Variants in PTPRD observed in about 807,000 individuals in gnomAD.
PTPRD encodes protein tyrosine phosphatase receptor type D, also known as receptor-type tyrosine-protein phosphatase delta.
In PTPRD, 34 loss-of-function variants were observed where a neutral mutation model predicts 214.5. The observed-to-expected ratio is 0.16, with a 90% CI of 0.12 to 0.21. PTPRD has a LOEUF of 0.21. Among genes scored for constraint, PTPRD ranks in the 10% least tolerant of loss-of-function variants. The pLI is 1.00. For synonymous variants in PTPRD, 1,128 were observed against 845.7 expected (o/e 1.33, Z -5.79); for missense variants, 2,545 against 2,398.7 (o/e 1.06, Z -1.27).
chr9:10,242,342 G>A (rs948011038), intron 3 of PTPRD, among the ~76,000 whole-genome samples: 3 of 151,942 alleles, frequency 2.0e-5, no homozygotes, highest in Admixed American at 6.6e-5. Context: ...AGGCTGAAAT[G>A]TTGAAGCCAC....
intron 7 of PTPRD, among the ~76,000 whole-genome samples, chr9:9,695,240 C>T (rs919686994): frequency 6.6e-6 from 1 of 152,122 alleles, no homozygotes; most frequent in African/African-American, 2.4e-5. Context: ...CAGAGTGTGT[C>T]AAGAAATGTT....
intron 9 of PTPRD, among the ~76,000 whole-genome samples, chr9:9,206,360 G>A (rs539086616): frequency 2.0e-5 from 3 of 152,284 alleles, no homozygotes; most frequent in African/African-American, 7.2e-5. Context: ...GTTTTTTAAA[G>A]AACACACTGG....
chr9:9,904,825 G>T (rs1370376429), intron 5 of PTPRD, among the ~76,000 whole-genome samples: 1 of 151,990 alleles, frequency 6.6e-6, no homozygotes, highest in African/African-American at 2.4e-5. Context: ...GTTCAACCAA[G>T]ATCAAACTCA....
chr9:8,744,019 A>C (rs371920398), intron 11 of PTPRD, among the ~76,000 whole-genome samples: 2 of 152,128 alleles, frequency 1.3e-5, no homozygotes, highest in East Asian at 1.9e-4. Flanking sequence ...AATGGCCAAC[A>C]AGCATATGGA....
In PTPRD at chr9:9,120,993, C is replaced by A. The variant is rs751864294; in HGVS notation, c.-143+62311G>T. ...ATTTTGTTTAACTGTCACAACAATG[C>A]TGTAATGAAGATATTATTATTATCT... On this transcript the variant is annotated intron_variant, in intron 10 of 45. Coordinates refer to ENST00000381196, the MANE Select transcript of PTPRD (RefSeq NM_002839.4). 2.6e-5 allele frequency among the ~76,000 whole-genome samples: 4 copies of A among 152,212 alleles called. No homozygotes were observed. In the South Asian group the frequency reaches 6.2e-4, roughly 24 times the overall value.
At chr9:10,168,438 G>T (rs1266951118) in intron 3 of PTPRD, among the ~76,000 whole-genome samples, 1 of 152,146 alleles carries the variant, frequency 6.6e-6, no homozygotes, top group Non-Finnish European at 1.5e-5. Flanking sequence ...GCTGCTGTTT[G>T]CCTGGAATCA....
At chr9:9,498,382 C>T (rs993195594) in intron 8 of PTPRD, among the ~76,000 whole-genome samples, 2 of 152,058 alleles carry the variant, frequency 1.3e-5, no homozygotes, top group Admixed American at 1.3e-4. Context: ...AAAAGTAAAT[C>T]CATGCTGTAA....
chr9:8,666,145 G>A (rs2097166403), intron 12 of PTPRD, among the ~76,000 whole-genome samples: 2 of 151,270 alleles, frequency 1.3e-5, no homozygotes, highest in Admixed American at 6.6e-5. Flanking sequence ...TTATACTAAA[G>A]GCCCAGGTTG....
intron 8 of PTPRD, among the ~76,000 whole-genome samples, chr9:9,521,145 T>C (rs1378506362): frequency 6.6e-6 from 1 of 152,232 alleles, no homozygotes; most frequent in Non-Finnish European, 1.5e-5. Flanking sequence ...GTTCTCTGGC[T>C]GCTTGAGAGG....
At chr9:10,164,813 G>T (rs1412076138) in intron 3 of PTPRD, among the ~76,000 whole-genome samples, 4 of 150,790 alleles carry the variant, frequency 2.7e-5, no homozygotes, top group African/African-American at 7.3e-5. Flanking sequence ...AGGTTTAAAG[G>T]TTTTAGAAAT....
intron 11 of PTPRD, among the ~76,000 whole-genome samples, chr9:8,811,580 C>T (rs1010496617): frequency 6.6e-6 from 1 of 152,132 alleles, no homozygotes; most frequent in Non-Finnish European, 1.5e-5. Flanking sequence ...TTAATTCCTG[C>T]TCTAAAGAGC....
At chr9:9,861,393 C>T (rs189047332) in intron 5 of PTPRD, among the ~76,000 whole-genome samples, 103 of 152,210 alleles carry the variant, frequency 6.8e-4, no homozygotes, top group Non-Finnish European at 4.9e-4. Flanking sequence ...CAGGTTCAAG[C>T]GATTCTCCTG....
At chr9:9,749,209 T>C (rs2098489420) in intron 6 of PTPRD, among the ~76,000 whole-genome samples, 2 of 152,138 alleles carry the variant, frequency 1.3e-5, no homozygotes, top group Admixed American at 1.3e-4. Context: ...TCAATTTCTA[T>C]GCTGTCATGT....
chr9:9,469,494 C>A (rs1376308538), intron 8 of PTPRD, among the ~76,000 whole-genome samples: 2 of 152,060 alleles, frequency 1.3e-5, no homozygotes, highest in African/African-American at 2.4e-5. Flanking sequence ...GAGACAGAGG[C>A]TTTCTACTTA....
chr9:9,819,064 C>T (rs111407746), intron 5 of PTPRD, among the ~76,000 whole-genome samples: 4 of 152,162 alleles, frequency 2.6e-5, no homozygotes, highest in African/African-American at 7.2e-5. Flanking sequence ...CGAAATGTTC[C>T]CTGATAGGTA....
At chr9:9,736,153 G>T (rs1395940555) in intron 6 of PTPRD, among the ~76,000 whole-genome samples, 5 of 152,086 alleles carry the variant, frequency 3.3e-5, no homozygotes, top group Non-Finnish European at 5.9e-5. Flanking sequence ...CATATCATAG[G>T]ATGTCATTGA....
At chr9:8,710,247 C>CT (rs2098302355) in intron 12 of PTPRD, among the ~76,000 whole-genome samples, 1 of 152,154 alleles carries the variant, frequency 6.6e-6, no homozygotes, top group African/African-American at 2.4e-5. Context: ...ACTTGGCTCT[C>CT]TTAAAGGTCT....
intron 5 of PTPRD, among the ~76,000 whole-genome samples, chr9:9,891,372 C>T (rs563673568): frequency 3.0e-4 from 44 of 149,092 alleles, no homozygotes; most frequent in Admixed American, 1.4e-3. Context: ...GGAAAACATA[C>T]ACTTTTTTTT....
intron 10 of PTPRD, among the ~76,000 whole-genome samples, chr9:9,098,026 T>G (rs7028172): frequency 0.14 from 21,184 of 151,802 alleles, 1,723 homozygotes; most frequent in East Asian, 0.23. Flanking sequence ...ATTAGAAGTG[T>G]TTTAATTTTT....
Sources: gnomAD v4.1 joint callset for allele counts (sites outside exome capture counted in the v4.1 genomes callset) on GRCh38, gnomAD v4.1.1 for gene constraint, MANE v1.5 for transcripts, NCBI Gene and HGNC (gene_info 2026-07-23, HGNC 2026-07-21) for gene names.